Variants in PARD3 observed in about 807,000 individuals in gnomAD.
PARD3 encodes the protein par-3 family cell polarity regulator, also known as partitioning defective 3 homolog.
PARD3 carries 75 observed loss-of-function variants against 155.4 expected under a neutral mutation model. That is an observed-to-expected ratio of 0.48 (90% CI 0.40 to 0.58). PARD3 has a LOEUF of 0.58. Among genes scored for constraint, PARD3 ranks in the 20% least tolerant of loss-of-function variants. PARD3 has a pLI of 0.00. For missense variants in PARD3, 1,642 were observed against 1,721.7 expected, an observed-to-expected ratio of 0.95 and a Z score of 0.82; for synonymous variants, 576 against 610.5, an observed-to-expected ratio of 0.94 and a Z score of 0.83.
rs570577723 is a variant in PARD3, at chr10:34,182,091, C to T, written c.3420-50508G>A. On this transcript the variant is annotated intron_variant, in intron 22 of 24. Coordinates refer to ENST00000374788, the MANE Select transcript of PARD3 (RefSeq NM_001184785.2). Reference sequence around the variant, plus strand: ...TTCAATCTGGAAAGCTTAACACTACCGCACAGCAAAACCAGCTGGCAGCAG... The same window carrying T: ...TTCAATCTGGAAAGCTTAACACTACTGCACAGCAAAACCAGCTGGCAGCAG... Among the ~76,000 whole-genome samples the T allele has an allele frequency of 4.6e-5, 7 of 152,300 alleles. 1 individual carries two copies. The highest frequency in any genetic ancestry group is 1.4e-4 in the African/African-American group (6 of 41,562).
At position 34,720,448 on chromosome 10, in the gene PARD3, CAAAAAAAA is replaced by C. The variant is rs10603866; in HGVS notation, c.121-24037_121-24030del. On this transcript the variant is annotated intron_variant, in intron 1 of 24. Transcript: ENST00000374788. ...CCTGGGCAACAGAGCAAGGCTCTGT[CAAAAAAAA>C]AAAAAAAAAAAAAAAAAAGCCTTGG... Among the ~76,000 whole-genome samples the C allele has an allele frequency of 1.0e-3, 58 of 56,872 alleles. 1 individual carries two copies. Among genetic ancestry groups the C allele is most frequent in the Admixed American group, 2.6e-3 (9 of 3,442 alleles). 37.3% of individuals were successfully genotyped at this position (56,872 alleles called of 152,430 possible).
Position 34,473,366 on chromosome 10 carries a change from T to C in PARD3, c.404-3103A>G, listed in dbSNP as rs143541429. Among the ~76,000 whole-genome samples the C allele has an allele frequency of 6.9e-4, 105 of 152,132 alleles. 1 individual carries two copies. The South Asian group carries it at 7.7e-3, about 11-fold the overall frequency. The stretch of plus-strand genomic sequence containing the variant: ...GGAGTCCTAGATTTGATTACCACGC[T>C]GATGAGAAAGAACAAAACCCAATAA... On this transcript the variant is annotated intron_variant, in intron 3 of 24. Coordinates refer to ENST00000374788, the MANE Select transcript of PARD3 (RefSeq NM_001184785.2).
At chr10:34,171,604 T>C (rs775991105) in intron 22 of PARD3, among the ~76,000 whole-genome samples, 17 of 152,010 alleles carry the variant, frequency 1.1e-4, no homozygotes, top group Non-Finnish European at 1.8e-4. Context: ...CCCTCAGATG[T>C]CAGAAAAGAA....
chr10:34,427,639 C>A (rs1204229985), intron 5 of PARD3, among the ~76,000 whole-genome samples: 1 of 152,148 alleles, frequency 6.6e-6, no homozygotes, highest in Non-Finnish European at 1.5e-5. Context: ...GTGACCCACA[C>A]CCTATTCCTA....
At chr10:34,750,005 G>C (rs916614568) in intron 1 of PARD3, among the ~76,000 whole-genome samples, 1 of 150,562 alleles carries the variant, frequency 6.6e-6, no homozygotes, top group Non-Finnish European at 1.5e-5. Context: ...CTAGGCGACA[G>C]AACGAGACCC....
chr10:34,166,205 A>T (rs1374741935), intron 22 of PARD3, among the ~76,000 whole-genome samples: 1 of 152,206 alleles, frequency 6.6e-6, no homozygotes, highest in Non-Finnish European at 1.5e-5. Context: ...TGTGTTCCAA[A>T]GCATGGACTA....
intron 2 of PARD3, among the ~76,000 whole-genome samples, chr10:34,537,913 G>T (rs1404209036): frequency 1.3e-5 from 2 of 152,174 alleles, no homozygotes; most frequent in South Asian, 2.1e-4. Flanking sequence ...GAAAGAGAAG[G>T]TTATTTATAA....
chr10:34,312,431 G>C, intron 20 of PARD3: 2 of 1,596,754 alleles, frequency 1.3e-6, no homozygotes, highest in South Asian at 1.1e-5. Flanking sequence ...GGTGAGGAAA[G>C]CAACAAGAAT....
chr10:34,655,544 C>G (rs2093143436), intron 2 of PARD3, among the ~76,000 whole-genome samples: 1 of 152,188 alleles, frequency 6.6e-6, no homozygotes, highest in Admixed American at 6.5e-5. Context: ...AAACTCCACT[C>G]TGATGTCTGG....
intron 22 of PARD3, among the ~76,000 whole-genome samples, chr10:34,217,123 C>T (rs1315658562): frequency 6.6e-6 from 1 of 151,892 alleles, no homozygotes; most frequent in Non-Finnish European, 1.5e-5. Flanking sequence ...GTATGGAAGA[C>T]ACAGTGTGAA....
intron 12 of PARD3, among the ~76,000 whole-genome samples, chr10:34,363,318 G>C (rs562052057): frequency 1.1e-5 from 1 of 93,500 alleles, no homozygotes; most frequent in Non-Finnish European, 1.9e-5. Context: ...TATTCTCCAG[G>C]GGATAGTTTA....
intron 2 of PARD3, among the ~76,000 whole-genome samples, chr10:34,630,054 A>T (rs2092182488): frequency 6.6e-6 from 1 of 152,146 alleles, no homozygotes; most frequent in Non-Finnish European, 1.5e-5. Context: ...CAGGCTGCCT[A>T]AACTTAGGGC....
At chr10:34,687,872 T>TTTTTTTTTTA (rs869291068) in intron 2 of PARD3, among the ~76,000 whole-genome samples, 2 of 134,410 alleles carry the variant, frequency 1.5e-5, no homozygotes, top group Non-Finnish European at 1.5e-5. Flanking sequence ...TTTTTTTTTT[T>TTTTTTTTTTA]GAGACAGGGT....
intron 2 of PARD3, among the ~76,000 whole-genome samples, chr10:34,560,327 T>C (rs529195152): frequency 5.3e-5 from 8 of 152,284 alleles, no homozygotes; most frequent in African/African-American, 1.7e-4. Context: ...AAAACAGCTG[T>C]TCAGAACACC....
intron 22 of PARD3, among the ~76,000 whole-genome samples, chr10:34,261,825 GAAACAAAC>G (rs1159390036): frequency 6.5e-5 from 9 of 138,888 alleles, no homozygotes; most frequent in East Asian, 2.2e-4. Context: ...AAGAAAGAAA[GAAACAAAC>G]AAACAAACAA....
chr10:34,432,041 CAAAAAAAAAAAAAAAAAAAA>C (rs142848273), intron 5 of PARD3, among the ~76,000 whole-genome samples: 5 of 21,596 alleles, frequency 2.3e-4, no homozygotes, highest in South Asian at 3.4e-3. Context: ...GACTCTGTCT[CAAAAAAAAAAAAAAAAAAAA>C]AAAAAAAAAA....
chr10:34,316,053 C>A (rs1957985467), intron 20 of PARD3, among the ~76,000 whole-genome samples: 1 of 152,084 alleles, frequency 6.6e-6, no homozygotes, highest in Non-Finnish European at 1.5e-5. Context: ...TTATGGAGGT[C>A]AATTTCAGGA....
At chr10:34,563,628 T>C (rs1225056245) in intron 2 of PARD3, among the ~76,000 whole-genome samples, 1 of 151,982 alleles carries the variant, frequency 6.6e-6, no homozygotes, top group African/African-American at 2.4e-5. Flanking sequence ...TCTCCTGGGT[T>C]CAAGTGATTC....
chr10:34,151,054 C>T (rs1356458444), intron 22 of PARD3, among the ~76,000 whole-genome samples: 1 of 152,122 alleles, frequency 6.6e-6, no homozygotes, highest in Non-Finnish European at 1.5e-5. Flanking sequence ...TTAGTTAATG[C>T]AGTTTCTAAG....
Sources: allele counts gnomAD v4.1 joint callset (sites outside exome capture counted in the v4.1 genomes callset), GRCh38; gene constraint gnomAD v4.1.1; transcripts MANE v1.5; gene names NCBI Gene and HGNC (gene_info 2026-07-23, HGNC 2026-07-21).